The following PITPNC1 variants were observed in gnomAD, a reference collection of about 807,000 sequenced individuals.
PITPNC1 encodes the protein phosphatidylinositol transfer protein cytoplasmic 1, also known as cytoplasmic phosphatidylinositol transfer protein 1.
Under a neutral mutation model 44.7 loss-of-function variants are expected in PITPNC1, and 18 were observed. The observed-to-expected ratio is 0.40, with a 90% confidence interval of 0.28 to 0.60. The LOEUF (loss-of-function observed/expected upper bound fraction) is 0.60, where lower values mean the gene tolerates loss of function less well. Among genes scored for constraint, PITPNC1 ranks in the 20% least tolerant of loss-of-function variants. The pLI, the probability that PITPNC1 is intolerant of heterozygous loss-of-function variation, is 0.39. For synonymous variants in PITPNC1, 141 were observed against 149.6 expected (o/e 0.94, Z 0.42); for missense variants, 290 against 418.4 (o/e 0.69, Z 2.68).
At chr17:67,621,659 C>A (rs1488575024) in intron 5 of PITPNC1, among the ~76,000 whole-genome samples, 1 of 152,174 alleles carries the variant, frequency 6.6e-6, no homozygotes, top group African/African-American at 2.4e-5. Flanking sequence ...GTGTTGAACA[C>A]ACAGTAGGTG....
intron 5 of PITPNC1, among the ~76,000 whole-genome samples, chr17:67,614,462 A>G (rs1373483814): frequency 6.6e-6 from 1 of 152,052 alleles, no homozygotes; most frequent in East Asian, 1.9e-4. Context: ...GCTTGAGCTC[A>G]TGAGCTCGAG....
At chr17:67,638,947 CA>C (rs34045924) in intron 6 of PITPNC1, 35,670 of 147,574 alleles carry the variant, frequency 0.24, 5,398 homozygotes, top group African/African-American at 0.43. Context: ...CCTATTTCTA[CA>C]AAAAAAAAAT....
At chr17:67,423,292 G>A (rs1222272695) in intron 1 of PITPNC1, among the ~76,000 whole-genome samples, 1 of 152,138 alleles carries the variant, frequency 6.6e-6, no homozygotes, top group African/African-American at 2.4e-5. Context: ...AGTTGAATCA[G>A]GTCTTTTCTC....
chr17:67,668,435 T>G (rs2042456902), intron 6 of PITPNC1, among the ~76,000 whole-genome samples: 1 of 152,122 alleles, frequency 6.6e-6, no homozygotes, highest in Non-Finnish European at 1.5e-5. Flanking sequence ...TTTAAAGCTG[T>G]CGTGAGGCCA....
At chr17:67,419,359 C>T (rs1423252424) in intron 1 of PITPNC1, among the ~76,000 whole-genome samples, 1 of 152,130 alleles carries the variant, frequency 6.6e-6, no homozygotes, top group East Asian at 1.9e-4. Context: ...AGACATGATG[C>T]ATTTCCTACT....
intron 1 of PITPNC1, among the ~76,000 whole-genome samples, chr17:67,414,112 T>G (rs77361101): frequency 2.7e-4 from 33 of 122,656 alleles, no homozygotes; most frequent in Non-Finnish European, 4.3e-4. Context: ...AAAAAAAAAA[T>G]AGAGAGAATG....
At chr17:67,441,587 T>C (rs1639355029) in intron 1 of PITPNC1, among the ~76,000 whole-genome samples, 1 of 152,178 alleles carries the variant, frequency 6.6e-6, no homozygotes, top group Non-Finnish European at 1.5e-5. Flanking sequence ...AACAACACTT[T>C]TGTCAGCCTT....
rs1257173194 is a variant in PITPNC1 at position 67,655,301 on chromosome 17, G to A, written c.463-14207G>A. 2.0e-5 allele frequency among the ~76,000 whole-genome samples: 3 copies of A among 151,978 alleles called. No homozygotes were observed. The East Asian group carries it at 5.8e-4, about 30-fold the overall frequency. On this transcript the variant is annotated intron_variant, in intron 6 of 8. Transcript: ENST00000581322. ...GGGCCGGGCTCGCTGGCTCATGCCT[G>A]TAATCCCAGCACTTTGGGAGGCCAA...
intron 4 of PITPNC1, among the ~76,000 whole-genome samples, chr17:67,567,741 G>A (rs1212991748): frequency 6.6e-6 from 1 of 152,094 alleles, no homozygotes; most frequent in Non-Finnish European, 1.5e-5. Flanking sequence ...TTGGGAGGCC[G>A]AGGTGGGTGG....
chr17:67,493,049 A>T (rs958038003), intron 1 of PITPNC1, among the ~76,000 whole-genome samples: 1 of 152,198 alleles, frequency 6.6e-6, no homozygotes, highest in African/African-American at 2.4e-5. Context: ...CTGTGTGTTC[A>T]GCTTCAGTAG....
intron 6 of PITPNC1, among the ~76,000 whole-genome samples, chr17:67,652,447 GA>G (rs2042219571): frequency 2.0e-5 from 3 of 152,160 alleles, no homozygotes; most frequent in African/African-American, 7.2e-5. Flanking sequence ...AAGATGTGCC[GA>G]AGTCCATCTG....
intron 5 of PITPNC1, among the ~76,000 whole-genome samples, chr17:67,623,302 A>G (rs1200809656): frequency 2.6e-5 from 4 of 152,150 alleles, no homozygotes; most frequent in Non-Finnish European, 4.4e-5. Flanking sequence ...AAAAATCTAC[A>G]CAGCTACTAG....
At chr17:67,587,985 C>T (rs76210604) in intron 5 of PITPNC1, among the ~76,000 whole-genome samples, 2,104 of 152,160 alleles carry the variant, frequency 0.014, 13 homozygotes, top group Middle Eastern at 0.061. Flanking sequence ...ATGACAATAG[C>T]CATCGTGAAG....
intron 6 of PITPNC1, among the ~76,000 whole-genome samples, chr17:67,665,563 A>C (rs2042410200): frequency 6.6e-6 from 1 of 152,226 alleles, no homozygotes; most frequent in Admixed American, 6.5e-5. Flanking sequence ...TGAGGGTTCC[A>C]GTTTCTCCCT....
chr17:67,594,185 C>T (rs746605535), intron 5 of PITPNC1, among the ~76,000 whole-genome samples: 10 of 152,170 alleles, frequency 6.6e-5, no homozygotes, highest in Non-Finnish European at 1.2e-4. Context: ...AACGGGACTT[C>T]GCTGTTCTGA....
chr17:67,571,910 C>T (rs938933427), intron 4 of PITPNC1, among the ~76,000 whole-genome samples: 7 of 152,230 alleles, frequency 4.6e-5, no homozygotes, highest in Admixed American at 2.6e-4. Context: ...TCCCCAGGTT[C>T]TGCTCACACC....
At chr17:67,483,892 C>T (rs2039737339) in intron 1 of PITPNC1, among the ~76,000 whole-genome samples, 1 of 151,646 alleles carries the variant, frequency 6.6e-6, no homozygotes, top group Non-Finnish European at 1.5e-5. Context: ...AACCATTCTC[C>T]CTTCACCCTT....
At chr17:67,657,746 G>A (rs1015992883) in intron 6 of PITPNC1, among the ~76,000 whole-genome samples, 7 of 151,940 alleles carry the variant, frequency 4.6e-5, no homozygotes, top group Non-Finnish European at 5.9e-5. Flanking sequence ...CTTTTGTCAC[G>A]CAATCAGGAA....
In PITPNC1 at chr17:67,629,562, C is replaced by T. The variant is rs137952360; in HGVS notation, c.367-2581C>T. 1.7e-3 allele frequency among the ~76,000 whole-genome samples: 257 copies of T among 152,336 alleles called. 4 individuals are homozygous for T. Among genetic ancestry groups the T allele is most frequent in the African/African-American group, 5.9e-3 (245 of 41,572 alleles). ...GAAGTGCTGGGCTTACAGGTGTGAGCCACTGTGCCTGGCCTCTGTGTGTCT... is the reference window on the plus strand; with the variant it reads ...GAAGTGCTGGGCTTACAGGTGTGAGTCACTGTGCCTGGCCTCTGTGTGTCT... On this transcript the variant is annotated intron_variant, in intron 5 of 8. Coordinates refer to ENST00000581322, the MANE Select transcript of PITPNC1 (RefSeq NM_012417.4).
Sources: gnomAD v4.1 joint callset for allele counts (sites outside exome capture counted in the v4.1 genomes callset) on GRCh38, gnomAD v4.1.1 for gene constraint, MANE v1.5 for transcripts, NCBI Gene and HGNC (gene_info 2026-07-23, HGNC 2026-07-21) for gene names.